NRIP3: variants seen among roughly 807,000 people sequenced by gnomAD.
The protein encoded by NRIP3 is nuclear receptor interacting protein 3.
Under a neutral mutation model 29.0 loss-of-function variants are expected in NRIP3, and 31 were observed. That is an observed-to-expected ratio of 1.07 (90% CI 0.80 to 1.44). The LOEUF (loss-of-function observed/expected upper bound fraction) is 1.44, where lower values mean the gene tolerates loss of function less well. NRIP3 is among the 40% of genes most tolerant of loss of function. NRIP3 has a pLI of 0.00. For missense variants in NRIP3, 314 were observed against 297.9 expected (o/e 1.05, Z -0.40); for synonymous variants, 131 against 118.3 (o/e 1.11, Z -0.70).
chr11:8,993,233 G>C (rs926785673), intron 1 of NRIP3, among the ~76,000 whole-genome samples: 1 of 152,126 alleles, frequency 6.6e-6, no homozygotes, highest in African/African-American at 2.4e-5. Context: ...GAAAACAATG[G>C]ACTTGCTAGA....
Position 9,003,651 on chromosome 11 carries a change from G to A in NRIP3, c.174+111C>T, listed in dbSNP as rs572326467. 7.1e-5 allele frequency: 79 copies of A among 1,107,790 alleles called. No homozygotes were observed. The African/African-American group carries it at 1.2e-3, about 17-fold the overall frequency. The allele number at this position is 1,107,790 out of a possible 1,614,324, so 68.6% of individuals were successfully genotyped here. A position where few individuals can be genotyped will look rare whatever the true frequency, so the allele number is the denominator to read the frequency against. ...CCGCGACGCAGCGACCGCGAGCCAA[G>A]GGCAGCGGCGGGCCGGGCCGTGACT... On this transcript the variant is annotated intron_variant, in intron 1 of 6. Coordinates refer to ENST00000309166, the MANE Select transcript of NRIP3 (RefSeq NM_020645.3).
chr11:8,994,303 C>G (rs1189649045), intron 1 of NRIP3, among the ~76,000 whole-genome samples: 1 of 152,160 alleles, frequency 6.6e-6, no homozygotes, highest in East Asian at 1.9e-4. Context: ...GTTTTTTGCC[C>G]ATATCTTCTT....
In NRIP3 at chr11:8,982,697, T is replaced by A. The variant is rs1235953602; in HGVS notation, c.*848A>T. Reference sequence around the variant, plus strand: ...TCATTCATCTTTGTACGCTCGTTTTTAGGCACCAAGATGAGGGCCTAAATG... The same window carrying A: ...TCATTCATCTTTGTACGCTCGTTTTAAGGCACCAAGATGAGGGCCTAAATG... On this transcript the variant is annotated 3_prime_UTR_variant, in exon 7 of 7. Transcript: ENST00000309166. The A allele has an allele frequency of 1.2e-5, 3 of 240,860 alleles. No individual in the cohort carries two copies. Among genetic ancestry groups the A allele is most frequent in the Non-Finnish European group, 2.5e-5 (3 of 121,308 alleles). 14.9% of individuals were successfully genotyped at this position (240,860 alleles called of 1,614,324 possible). A position where few individuals can be genotyped will look rare whatever the true frequency, so the allele number is the denominator to read the frequency against.
At chr11:9,001,011 G>A (rs997221393) in intron 1 of NRIP3, among the ~76,000 whole-genome samples, 1 of 152,082 alleles carries the variant, frequency 6.6e-6, no homozygotes, top group African/African-American at 2.4e-5. Context: ...CGAGGCTGCA[G>A]TAAGATGTGA....
intron 3 of NRIP3, among the ~76,000 whole-genome samples, chr11:8,987,017 CACAAA>C (rs1274833301): frequency 1.3e-5 from 2 of 152,202 alleles, no homozygotes; most frequent in Non-Finnish European, 2.9e-5. Context: ...GGCTCCGCCA[CACAAA>C]ACAAACAAAA....
rs372822016 is a variant in NRIP3 at position 8,984,781 on chromosome 11, TCTAA to T, written c.563-661_563-658del. ...AGGAGTAAGTAAGTTGCTCTCTGTC[TCTAA>T]CTAGTTCATGGAAAGCTCTCAAGGG... is the stretch of plus-strand genomic sequence containing the variant. On this transcript the variant is annotated intron_variant, in intron 4 of 6. Transcript: ENST00000309166. Among the ~76,000 whole-genome samples the T allele has an allele frequency of 5.9e-5, 9 of 152,308 alleles. No homozygotes were observed. In the South Asian group the frequency reaches 1.0e-3, roughly 18 times the overall value.
intron 2 of NRIP3, 115 bp from the exon 3 acceptor site, chr11:8,987,745 A>G: frequency 1.2e-6 from 1 of 804,306 alleles, no homozygotes; most frequent in East Asian, 2.5e-5. Context: ...CATCCTCCCA[A>G]TTATGGGTTA....
rs1854538694 is a variant in NRIP3 at position 8,987,609 on chromosome 11, C to T, written c.361G>A (p.Ala121Thr). 1.2e-6 allele frequency: 2 copies of T among 1,613,952 alleles called. No homozygotes were observed. The highest frequency in any genetic ancestry group is 8.5e-7 in the Non-Finnish European group (1 of 1,179,838). ...TATAGGCAGCCTGTGTCAACCAAGG[C>T]TTTCACATCCTTTCCAGCACACTGT... ...SCQCAGKDVK[A>T]LVDTGCLYNL... The change falls in exon 3 of 7, where the codon GCC becomes ACC. Residue 121 changes from alanine (A) to threonine (T), a missense_variant. Physicochemically the swap from Ala to Thr is moderately conservative, Grantham distance 58. Transcript: ENST00000309166.
Position 8,985,464 on chromosome 11 carries a change from C to T in NRIP3, c.562+247G>A, listed in dbSNP as rs534018455. 1.7e-3 allele frequency among the ~76,000 whole-genome samples: 244 copies of T among 140,422 alleles called. 1 individual carries two copies. The highest frequency in any genetic ancestry group is 3.2e-3 in the Non-Finnish European group (206 of 64,800). The allele number at this position is 140,422 out of a possible 152,430, so 92.1% of individuals were successfully genotyped here. ...GATTACAGGCATGACCCACCGCACC[C>T]GGCCGAATTTTTTTTTTATCTGACC... On this transcript the variant is annotated intron_variant, in intron 4 of 6. Coordinates refer to ENST00000309166, the MANE Select transcript of NRIP3 (RefSeq NM_020645.3).
At chr11:8,991,407 C>T (rs993943214) in intron 1 of NRIP3, among the ~76,000 whole-genome samples, 3 of 152,168 alleles carry the variant, frequency 2.0e-5, no homozygotes, top group Non-Finnish European at 4.4e-5. Context: ...TTACAGCCAA[C>T]AAACCCATAT....
intron 1 of NRIP3, among the ~76,000 whole-genome samples, chr11:8,993,808 CAAAA>C (rs35171191): frequency 1.4e-4 from 13 of 92,226 alleles, no homozygotes; most frequent in African/African-American, 4.4e-4. Flanking sequence ...GACCCTGCCT[CAAAA>C]AAAAAAAAAA....
Position 9,003,977 on chromosome 11 carries a change from A to G in NRIP3, c.-42T>C, listed in dbSNP as rs866399935. Reference sequence around the variant, plus strand: ...GCCCGGTAGCCCACAGCCCCCCGGCAGCCTCAGCCTCGAGCTCCTCCAGCG... The same window carrying G: ...GCCCGGTAGCCCACAGCCCCCCGGCGGCCTCAGCCTCGAGCTCCTCCAGCG... On this transcript the variant is annotated 5_prime_UTR_variant, in exon 1 of 7. Transcript: ENST00000309166. 2.1e-6 allele frequency: 3 copies of G among 1,445,326 alleles called. No homozygotes were observed. The highest frequency in any genetic ancestry group is 1.8e-6 in the Non-Finnish European group (2 of 1,093,726). 89.5% of individuals were successfully genotyped at this position (1,445,326 alleles called of 1,614,324 possible). A position where few individuals can be genotyped will look rare whatever the true frequency, so the allele number is the denominator to read the frequency against.
At chr11:8,999,507 C>T (rs866616724) in intron 1 of NRIP3, among the ~76,000 whole-genome samples, 13 of 152,298 alleles carry the variant, frequency 8.5e-5, no homozygotes, top group South Asian at 6.2e-4. Context: ...ATATTCCACT[C>T]GTTTCCAATC....
At chr11:9,003,452 TAAG>T (rs1176649620) in intron 1 of NRIP3, among the ~76,000 whole-genome samples, 2 of 151,706 alleles carry the variant, frequency 1.3e-5, no homozygotes, top group Non-Finnish European at 2.9e-5. Context: ...AATTCGGTAT[TAAG>T]AATAAGGAAA....
chr11:8,988,994 C>T (rs1298266193), intron 1 of NRIP3, among the ~76,000 whole-genome samples: 2 of 152,224 alleles, frequency 1.3e-5, no homozygotes, highest in Admixed American at 1.3e-4. Context: ...CCTGCCCTAT[C>T]TTGTCATCCA....
At chr11:8,999,536 G>A (rs1854762090) in intron 1 of NRIP3, among the ~76,000 whole-genome samples, 1 of 152,046 alleles carries the variant, frequency 6.6e-6, no homozygotes, top group South Asian at 2.1e-4. Flanking sequence ...AAACCCAAAT[G>A]CATAGGTATG....
intron 1 of NRIP3, among the ~76,000 whole-genome samples, chr11:8,989,182 A>T (rs1462312897): frequency 6.6e-6 from 1 of 152,248 alleles, no homozygotes; most frequent in Non-Finnish European, 1.5e-5. Context: ...TTCCTAGGGC[A>T]GATATAATCA....
At chr11:8,984,201 T>C (rs1589957773) in intron 4 of NRIP3, 77 bp from the exon 5 acceptor site, 2 of 826,992 alleles carry the variant, frequency 2.4e-6, no homozygotes, top group South Asian at 2.8e-5. Flanking sequence ...ACTATTAGGT[T>C]CCATCCATCC....
Position 8,996,096 on chromosome 11 carries a change from A to AT in NRIP3, c.174+7665dup, listed in dbSNP as rs1247739955. ...AAATCTCACTATTTCTTTCATAGTAATTATCAATATGAAATTATTTTGTGT... is the reference window on the plus strand; with the variant it reads ...AAATCTCACTATTTCTTTCATAGTAATTTATCAATATGAAATTATTTTGTGT... On this transcript the variant is annotated intron_variant, in intron 1 of 6. Transcript: ENST00000309166. Among the ~76,000 whole-genome samples, 6 of 152,212 alleles carry AT rather than the reference A, an allele frequency of 3.9e-5. No individual in the cohort carries two copies. The South Asian group carries it at 8.3e-4, about 21-fold the overall frequency.
Sources: allele counts gnomAD v4.1 joint callset (sites outside exome capture counted in the v4.1 genomes callset), GRCh38; gene constraint gnomAD v4.1.1; transcripts MANE v1.5; gene names NCBI Gene and HGNC (gene_info 2026-07-23, HGNC 2026-07-21).